Variants in PVT1 observed in about 807,000 individuals in gnomAD.
PVT1 encodes Pvt1 oncogene, also known as CXCR4/PVT1 fusion.
intron 4 of PVT1, among the ~76,000 whole-genome samples, chr8:128,020,205 T>TTAG (rs1817417161): frequency 9.8e-5 from 15 of 152,352 alleles, no homozygotes; most frequent in African/African-American, 3.6e-4. Context: ...CCTCTAAAGA[T>TTAG]GCCCATGCCC....
At chr8:128,080,595 A>G (rs1305313250) in intron 5 of PVT1, among the ~76,000 whole-genome samples, 1 of 152,190 alleles carries the variant, frequency 6.6e-6, no homozygotes, top group East Asian at 1.9e-4. Flanking sequence ...AGTTCTTTGT[A>G]TACTTTGTAT....
At chr8:127,935,324 C>CTATA (rs1816260021) in intron 3 of PVT1, among the ~76,000 whole-genome samples, 1 of 151,964 alleles carries the variant, frequency 6.6e-6, no homozygotes, top group Admixed American at 6.6e-5. Flanking sequence ...AAAACATAAT[C>CTATA]TATATGCTGG....
At position 128,053,092 on chromosome 8, in the gene PVT1, G is replaced by T. The variant is rs1249593877; in HGVS notation, n.913-17068G>T. 2.0e-5 allele frequency among the ~76,000 whole-genome samples: 3 copies of T among 152,218 alleles called. No individual in the cohort carries two copies. In the East Asian group the frequency reaches 5.8e-4, roughly 29 times the overall value. The stretch of plus-strand genomic sequence containing the variant: ...CTTGGGTAAGTTCTCACTGCAGTTT[G>T]TGCTCTGGGCACAGAGTTAACAGCA... On this transcript the variant is annotated intron_variant and non_coding_transcript_variant, in intron 4 of 10. Transcript: ENST00000651587.
At chr8:127,959,792 T>G (rs1041599484) in intron 3 of PVT1, among the ~76,000 whole-genome samples, 2 of 151,336 alleles carry the variant, frequency 1.3e-5, no homozygotes, top group Admixed American at 6.6e-5. Context: ...CAGAAGGGGG[T>G]TGGGACCTAG....
chr8:127,983,885 T>TTC (rs1816912399), intron 3 of PVT1: 1 of 149,430 alleles, frequency 6.7e-6, no homozygotes, highest in African/African-American at 2.5e-5. Flanking sequence ...GATTTTTTTT[T>TTC]TTTTTTTTTT....
chr8:127,905,465 A>G (rs951194058), intron 3 of PVT1, among the ~76,000 whole-genome samples: 1 of 152,164 alleles, frequency 6.6e-6, no homozygotes, highest in South Asian at 2.1e-4. Context: ...CATGCTGGCA[A>G]TTCTTATTTT....
chr8:127,859,917 G>A (rs1815201066), intron 2 of PVT1, among the ~76,000 whole-genome samples: 1 of 151,884 alleles, frequency 6.6e-6, no homozygotes, highest in South Asian at 2.1e-4. Flanking sequence ...AGATCCTGAG[G>A]GGAGATCACT....
intron 3 of PVT1, among the ~76,000 whole-genome samples, chr8:127,949,084 G>A (rs1487415556): frequency 6.6e-6 from 1 of 152,172 alleles, no homozygotes; most frequent in African/African-American, 2.4e-5. Flanking sequence ...GCTGGGGAGG[G>A]GAGATACTAT....
At chr8:127,931,008 G>A (rs942500286) in intron 3 of PVT1, among the ~76,000 whole-genome samples, 1 of 152,086 alleles carries the variant, frequency 6.6e-6, no homozygotes, top group Non-Finnish European at 1.5e-5. Flanking sequence ...CAGGCTCAAG[G>A]GATCCTCCCC....
intron 3 of PVT1, among the ~76,000 whole-genome samples, chr8:127,945,774 CTGT>C (rs1816412720): frequency 6.6e-6 from 1 of 152,202 alleles, no homozygotes; most frequent in Non-Finnish European, 1.5e-5. Context: ...TCACATCCCA[CTGT>C]TGTTCCCATT....
chr8:127,898,895 G>A lies in PVT1; in HGVS notation n.782+7897G>A, dbSNP rs1461212303. Among the ~76,000 whole-genome samples, 1 of 152,214 alleles carries A rather than the reference G, an allele frequency of 6.6e-6. No homozygotes were observed. On this transcript the variant is annotated intron_variant and non_coding_transcript_variant, in intron 3 of 10. Coordinates refer to ENST00000651587, the Ensembl canonical transcript of PVT1. This position sits in a 1 kb window ranked among gnomAD's most constrained non-coding sequence, Gnocchi z 4.4. ...AAGGGGTGGGGGTACTGGACAGAAA[G>A]AGTGTGTCCCACCTGATTACTGGGA...
chr8:128,072,726 G>A (rs1413606415), intron 5 of PVT1, among the ~76,000 whole-genome samples: 1 of 152,230 alleles, frequency 6.6e-6, no homozygotes, highest in Non-Finnish European at 1.5e-5. Flanking sequence ...TAACCACAGT[G>A]CCTAGCGGTT....
chr8:127,937,548 G>GACACACACACACACACACAC (rs35147410), intron 3 of PVT1, among the ~76,000 whole-genome samples: 83 of 122,686 alleles, frequency 6.8e-4, no homozygotes, highest in African/African-American at 2.4e-3. Flanking sequence ...TAGGGAAAAA[G>GACACACACACACACACACAC]ACACACACAC....
intron 3 of PVT1, among the ~76,000 whole-genome samples, chr8:127,963,736 TG>T (rs1231824881): frequency 2.6e-5 from 4 of 152,102 alleles, no homozygotes; most frequent in Non-Finnish European, 5.9e-5. Context: ...GAATGATGTT[TG>T]GGGAGGAAGC....
At chr8:127,883,346 C>G (rs760795759) in intron 2 of PVT1, among the ~76,000 whole-genome samples, 1 of 152,114 alleles carries the variant, frequency 6.6e-6, no homozygotes, top group Non-Finnish European at 1.5e-5. Flanking sequence ...GGAGTGGATG[C>G]GCAGAGGTGG....
intron 4 of PVT1, among the ~76,000 whole-genome samples, chr8:128,053,453 G>T (rs1475780074): frequency 6.7e-6 from 1 of 149,122 alleles, no homozygotes; most frequent in African/African-American, 2.5e-5. Flanking sequence ...ATATATATGG[G>T]TATTATATAT....
intron 4 of PVT1, among the ~76,000 whole-genome samples, chr8:128,038,389 AG>A (rs1467920629): frequency 6.6e-6 from 1 of 152,070 alleles, no homozygotes; most frequent in Admixed American, 6.5e-5. Flanking sequence ...CCTGGGTGTG[AG>A]GTTGCCGCGG....
intron 2 of PVT1, among the ~76,000 whole-genome samples, chr8:127,886,427 C>CCA (rs1352020857): frequency 6.6e-6 from 1 of 152,182 alleles, no homozygotes; most frequent in Non-Finnish European, 1.5e-5. Flanking sequence ...ATTCTCTTCT[C>CCA]TCCTTTTGGG....
At chr8:128,067,184 G>T (rs1057405188) in intron 4 of PVT1, among the ~76,000 whole-genome samples, 5 of 152,184 alleles carry the variant, frequency 3.3e-5, no homozygotes, top group African/African-American at 4.8e-5. Context: ...TCATGTTGAA[G>T]TCTCGACTCC....
Sources: gnomAD v4.1 joint callset for allele counts (sites outside exome capture counted in the v4.1 genomes callset) on GRCh38, gnomAD v4.1.1 for gene constraint, Gnocchi (gnomAD v3.1) non-coding constraint, MANE v1.5 for transcripts, NCBI Gene and HGNC (gene_info 2026-07-23, HGNC 2026-07-21) for gene names.